TMLHE: variants seen among roughly 807,000 people sequenced by gnomAD.
The protein encoded by TMLHE is trimethyllysine hydroxylase, epsilon.
A neutral mutation model predicts 25.7 loss-of-function variants in TMLHE; 18 were observed. That is an observed-to-expected ratio of 0.70 (90% CI 0.48 to 1.04). The LOEUF is 1.04. Among genes scored for constraint, TMLHE ranks in the 50% least tolerant of loss-of-function variants. The pLI is 0.00. For missense variants in TMLHE, 236 were observed against 259.0 expected (o/e 0.91, Z 0.61); for synonymous variants, 105 against 97.0 (o/e 1.08, Z -0.49).
rs1396895651 is a variant in TMLHE, at chrX:155,555,792, T to A, written c.-1-10515A>T. Among the ~76,000 whole-genome samples, 3 of 110,678 alleles carry A rather than the reference T, an allele frequency of 2.7e-5. No homozygotes were observed. In the Admixed American group the frequency reaches 2.9e-4, roughly 11 times the overall value. ...TTAGCCCTTTGTCAGATGGGTAGAC[T>A]GCAAAAATTTTCTCCCATTCTGTAG... On this transcript the variant is annotated intron_variant, in intron 1 of 7. Transcript: ENST00000334398.
At chrX:155,571,330 T>A (rs1296891886) in intron 1 of TMLHE, among the ~76,000 whole-genome samples, 1 of 54,982 alleles carries the variant, frequency 1.8e-5, no homozygotes, top group African/African-American at 4.4e-5. Context: ...TCTGAAATTG[T>A]GGCAATAATC....
intron 1 of TMLHE, among the ~76,000 whole-genome samples, chrX:155,600,476 G>A (rs1470370164): frequency 1.8e-5 from 2 of 111,786 alleles, no homozygotes; most frequent in Admixed American, 1.9e-4. Flanking sequence ...TTACAAAAAG[G>A]GAATTGGTAG....
At chrX:155,510,242 A>C (rs1389687202) in intron 5 of TMLHE, among the ~76,000 whole-genome samples, 2 of 104,936 alleles carry the variant, frequency 1.9e-5, no homozygotes, top group South Asian at 4.2e-4. Flanking sequence ...TTTTTATTTT[A>C]TTTTATTTTA....
chrX:155,588,189 A>G (rs181154102), intron 1 of TMLHE, among the ~76,000 whole-genome samples: 119 of 112,294 alleles, frequency 1.1e-3, no homozygotes, highest in African/African-American at 3.8e-3. Flanking sequence ...GAGTCTAGAA[A>G]TAAATCCATG....
At chrX:155,509,408 T>C (rs942613845) in intron 5 of TMLHE, among the ~76,000 whole-genome samples, 3 of 111,733 alleles carry the variant, frequency 2.7e-5, no homozygotes, top group Non-Finnish European at 5.7e-5. Context: ...GTTGATGCCA[T>C]AGCCTGAACT....
chrX:155,511,226 G>A (rs1557333491), intron 5 of TMLHE, among the ~76,000 whole-genome samples: 1 of 110,287 alleles, frequency 9.1e-6, no homozygotes, highest in African/African-American at 3.3e-5. Flanking sequence ...TAGTGAGTGA[G>A]TTCCTGTGAC....
At chrX:155,576,627 G>A (rs1428896094) in intron 1 of TMLHE, among the ~76,000 whole-genome samples, 4 of 111,929 alleles carry the variant, frequency 3.6e-5, no homozygotes, top group African/African-American at 1.3e-4. Flanking sequence ...GCTACTGTAA[G>A]CAAAGGAGCA....
intron 3 of TMLHE, among the ~76,000 whole-genome samples, chrX:155,516,877 C>G (rs1439057932): frequency 1.4e-5 from 1 of 70,226 alleles, no homozygotes; most frequent in African/African-American, 4.9e-5. Context: ...TTGTTTTTTT[C>G]TTGTAAATTT....
intron 1 of TMLHE, among the ~76,000 whole-genome samples, chrX:155,580,644 T>A (rs1557344399): frequency 2.7e-5 from 3 of 111,992 alleles, no homozygotes; most frequent in Admixed American, 1.9e-4. Context: ...TCCACGTGGC[T>A]GGGGAGGCCT....
intron 3 of TMLHE, among the ~76,000 whole-genome samples, chrX:155,523,017 T>C (rs1216836919): frequency 9.0e-6 from 1 of 111,348 alleles, no homozygotes; most frequent in Non-Finnish European, 1.9e-5. Context: ...TAGTATTTGG[T>C]GTAGTCACTG....
At chrX:155,548,537 CA>C (rs1298617679) in intron 1 of TMLHE, among the ~76,000 whole-genome samples, 1 of 106,832 alleles carries the variant, frequency 9.4e-6, no homozygotes, top group Non-Finnish European at 1.9e-5. Flanking sequence ...AGTATGAGGC[CA>C]GCCTGACTAA....
chrX:155,584,728 G>GA (rs199501719), intron 1 of TMLHE, among the ~76,000 whole-genome samples: 4,128 of 108,929 alleles, frequency 0.038, 87 homozygotes, highest in Non-Finnish European at 0.06. Flanking sequence ...TGTCCTGAAA[G>GA]AAAAAAAAAC....
chrX:155,548,929 G>T (rs151295206), intron 1 of TMLHE, among the ~76,000 whole-genome samples: 1 of 110,325 alleles, frequency 9.1e-6, no homozygotes, highest in East Asian at 2.8e-4. Flanking sequence ...CATCTGATCG[G>T]CAAAAATTAA....
intron 1 of TMLHE, among the ~76,000 whole-genome samples, chrX:155,593,297 T>C (rs1278113622): frequency 1.2e-4 from 13 of 111,570 alleles, no homozygotes; most frequent in African/African-American, 4.2e-4. Context: ...CATAAGATAT[T>C]GAAGCCCAGC....
chrX:155,522,230 A>G (rs1334868969), intron 3 of TMLHE, among the ~76,000 whole-genome samples: 18 of 111,592 alleles, frequency 1.6e-4, no homozygotes, highest in Non-Finnish European at 2.3e-4. Context: ...TTTTCCTCCA[A>G]TGCTTTTTCT....
chrX:155,548,535 G>GAGA lies in TMLHE; in HGVS notation c.-1-3259_-1-3258insTCT, dbSNP rs1491301815. Among the ~76,000 whole-genome samples, 4 of 109,143 alleles carry GAGA rather than the reference G, an allele frequency of 3.7e-5. No individual in the cohort carries two copies. In the East Asian group the frequency reaches 8.8e-4, roughly 24 times the overall value. The allele number at this position is 109,143 out of a possible 115,157, so 94.8% of individuals were successfully genotyped here. On this transcript the variant is annotated intron_variant, in intron 1 of 7. Transcript: ENST00000334398. ...CGGATCACAAGGTCAGCAGTATGAG[G>GAGA]CCAGCCTGACTAACATGGTGAAACC...
chrX:155,536,212 G>C (rs1319647713), intron 2 of TMLHE, among the ~76,000 whole-genome samples: 2 of 111,291 alleles, frequency 1.8e-5, no homozygotes, highest in African/African-American at 6.5e-5. Context: ...GATAGGGAAT[G>C]TGTCTTCTTC....
chrX:155,577,950 G>A (rs1361195018), intron 1 of TMLHE, among the ~76,000 whole-genome samples: 2 of 111,563 alleles, frequency 1.8e-5, no homozygotes, highest in Non-Finnish European at 3.8e-5. Flanking sequence ...CCCACTGATA[G>A]TGGTCCCACC....
chrX:155,604,916 T>C (rs782328601), intron 1 of TMLHE, among the ~76,000 whole-genome samples: 2 of 112,173 alleles, frequency 1.8e-5, no homozygotes, highest in South Asian at 3.7e-4. Context: ...CAACTGACTA[T>C]ACTCAAATCA....
Sources: allele counts gnomAD v4.1 joint callset (sites outside exome capture counted in the v4.1 genomes callset), GRCh38; gene constraint gnomAD v4.1.1; transcripts MANE v1.5; gene names NCBI Gene and HGNC (gene_info 2026-07-23, HGNC 2026-07-21).